RAB31: variants seen among roughly 807,000 people sequenced by gnomAD.
The protein encoded by RAB31 is ras-related protein Rab-31.
A neutral mutation model predicts 25.6 loss-of-function variants in RAB31; 21 were observed. The ratio of observed to expected loss-of-function variants is 0.82; its 90% CI spans 0.58 to 1.18. The LOEUF (loss-of-function observed/expected upper bound fraction) is 1.18. Among genes scored for constraint, RAB31 ranks in the 50% most tolerant of loss-of-function variants. The pLI, the probability that RAB31 is intolerant of heterozygous loss-of-function variation, is 0.00. For missense variants in RAB31, 196 were observed against 250.1 expected, an observed-to-expected ratio of 0.78 and a Z score of 1.46; for synonymous variants, 87 against 84.0, an observed-to-expected ratio of 1.04 and a Z score of -0.20.
chr18:9,853,715 G>A (rs1003863078), intron 6 of RAB31, among the ~76,000 whole-genome samples: 10 of 152,258 alleles, frequency 6.6e-5, no homozygotes, highest in African/African-American at 2.4e-4. Flanking sequence ...GCAAATGTTG[G>A]TTCATCAGTT....
chr18:9,792,372 A>T (rs1257379072), intron 3 of RAB31, 137 bp downstream of exon 3: 1 of 1,418,740 alleles, frequency 7.0e-7, no homozygotes, highest in Admixed American at 2.4e-5. Flanking sequence ...GCAAAAAGAA[A>T]ATGTACTCAT....
chr18:9,775,467 C>T, intron 2 of RAB31, 110 bp downstream of exon 2: 3 of 1,525,376 alleles, frequency 2.0e-6, no homozygotes, highest in Middle Eastern at 4.4e-4. Context: ...TCATCCCAGC[C>T]AGTGAGAATC....
intron 2 of RAB31, among the ~76,000 whole-genome samples, chr18:9,775,878 C>A (rs764982137): frequency 7.9e-5 from 12 of 152,114 alleles, no homozygotes; most frequent in African/African-American, 2.4e-5. Flanking sequence ...ACTGCAACCT[C>A]CACCTCCAGG....
intron 1 of RAB31, among the ~76,000 whole-genome samples, chr18:9,729,239 A>G (rs2068109932): frequency 6.6e-6 from 1 of 152,148 alleles, no homozygotes; most frequent in Non-Finnish European, 1.5e-5. Context: ...CTCTAATATT[A>G]TAAAAGTATT....
intron 1 of RAB31, among the ~76,000 whole-genome samples, chr18:9,729,873 G>C (rs1423315839): frequency 6.6e-6 from 1 of 152,122 alleles, no homozygotes; most frequent in Non-Finnish European, 1.5e-5. Flanking sequence ...TTTACCCCTG[G>C]TTGTTTTTTT....
At chr18:9,804,927 C>A (rs1451227749) in intron 3 of RAB31, among the ~76,000 whole-genome samples, 1 of 152,166 alleles carries the variant, frequency 6.6e-6, no homozygotes, top group Non-Finnish European at 1.5e-5. Flanking sequence ...CGCTCAGTGG[C>A]TTAAAACAAC....
intron 3 of RAB31, among the ~76,000 whole-genome samples, chr18:9,797,025 A>G (rs751298861): frequency 6.6e-6 from 1 of 152,242 alleles, no homozygotes; most frequent in Non-Finnish European, 1.5e-5. Context: ...CCTCATTAGA[A>G]AGTCTTCTAT....
chr18:9,777,228 C>A (rs1817941501), intron 2 of RAB31, among the ~76,000 whole-genome samples: 1 of 152,106 alleles, frequency 6.6e-6, no homozygotes. Flanking sequence ...ATAGTCCCAG[C>A]TACTCGGAAG....
intron 1 of RAB31, among the ~76,000 whole-genome samples, chr18:9,736,647 T>C (rs191167318): frequency 6.6e-6 from 1 of 152,226 alleles, no homozygotes; most frequent in Non-Finnish European, 1.5e-5. Context: ...GTGTGTAATA[T>C]CCCATTAAAT....
chr18:9,776,066 A>G (rs914891252), intron 2 of RAB31, among the ~76,000 whole-genome samples: 3 of 152,212 alleles, frequency 2.0e-5, no homozygotes, highest in Non-Finnish European at 2.9e-5. Flanking sequence ...TTGAGATTAC[A>G]GGCATGGGTC....
intron 1 of RAB31, among the ~76,000 whole-genome samples, chr18:9,739,466 T>G (rs931840420): frequency 6.6e-6 from 1 of 151,894 alleles, no homozygotes; most frequent in Non-Finnish European, 1.5e-5. Flanking sequence ...AGGGAGACTC[T>G]GTCTCAAAAA....
Position 9,815,178 on chromosome 18 carries a change from T to A in RAB31, c.336T>A (p.Ile112=), listed in dbSNP as rs1321269331. ...TGAAAGAACATGGTCCAGAAAACAT[T>A]GTAATGGCCATCGCTGGAAACAAGT... ...KELKEHGPEN[I]VMAIAGNKCD... Residue 112 remains isoleucine (I), a synonymous_variant, in exon 5 of 7, where the codon ATT becomes ATA. Transcript: ENST00000578921. 4 of 1,557,578 alleles carry A rather than the reference T, an allele frequency of 2.6e-6. No homozygotes were observed. The highest frequency in any genetic ancestry group is 3.5e-6 in the Non-Finnish European group (4 of 1,149,462).
chr18:9,817,684 A>T (rs2068605868), intron 5 of RAB31, among the ~76,000 whole-genome samples: 1 of 152,216 alleles, frequency 6.6e-6, no homozygotes, highest in Admixed American at 6.5e-5. Flanking sequence ...TATCTGTGAC[A>T]TATAGATGTG....
intron 1 of RAB31, among the ~76,000 whole-genome samples, chr18:9,770,585 A>G (rs577782057): frequency 1.3e-5 from 2 of 152,334 alleles, no homozygotes; most frequent in Admixed American, 1.3e-4. Flanking sequence ...GGGCATGAGT[A>G]CGTCTCTGAT....
chr18:9,806,063 G>C (rs538585105), intron 3 of RAB31, among the ~76,000 whole-genome samples: 1 of 152,204 alleles, frequency 6.6e-6, no homozygotes, highest in Non-Finnish European at 1.5e-5. Flanking sequence ...TGTAGTCCCA[G>C]CTACTCGGGA....
chr18:9,825,723 C>A (rs1019103838), intron 5 of RAB31, among the ~76,000 whole-genome samples: 2 of 152,242 alleles, frequency 1.3e-5, no homozygotes, highest in Non-Finnish European at 2.9e-5. Flanking sequence ...TAACTGCAGG[C>A]TGCACTGTCT....
chr18:9,804,917 C>G (rs544214178), intron 3 of RAB31, among the ~76,000 whole-genome samples: 9 of 152,182 alleles, frequency 5.9e-5, no homozygotes, highest in Non-Finnish European at 1.2e-4. Flanking sequence ...GATTGCCACA[C>G]GCTCAGTGGC....
intron 1 of RAB31, among the ~76,000 whole-genome samples, chr18:9,743,420 G>C (rs1309580625): frequency 6.6e-6 from 1 of 152,136 alleles, no homozygotes; most frequent in Non-Finnish European, 1.5e-5. Context: ...TGTTTATATA[G>C]TGCCTATCTG....
intron 2 of RAB31, chr18:9,785,326 A>C (rs146424675): frequency 6.5e-6 from 1 of 153,162 alleles, no homozygotes; most frequent in African/African-American, 2.4e-5. Flanking sequence ...AGTCAAGTGA[A>C]AATAGCAAGA....
Sources: gnomAD v4.1 joint callset for allele counts (sites outside exome capture counted in the v4.1 genomes callset) on GRCh38, gnomAD v4.1.1 for gene constraint, MANE v1.5 for transcripts, NCBI Gene and HGNC (gene_info 2026-07-23, HGNC 2026-07-21) for gene names.